The following FUT9 variants were observed in gnomAD, a reference collection of about 807,000 sequenced individuals.
FUT9 encodes 4-galactosyl-N-acetylglucosaminide 3-alpha-L-fucosyltransferase 9.
Under a neutral mutation model 29.7 loss-of-function variants are expected in FUT9, and 15 were observed. The observed-to-expected ratio is 0.51, with a 90% CI of 0.34 to 0.78. The LOEUF (loss-of-function observed/expected upper bound fraction) is 0.78. Among genes scored for constraint, FUT9 ranks in the 30% least tolerant of loss-of-function variants. The pLI, the probability that FUT9 is intolerant of heterozygous loss-of-function variation, is 0.01. For synonymous variants in FUT9, 169 were observed against 153.7 expected (o/e 1.10, Z -0.74); for missense variants, 319 against 425.4 (o/e 0.75, Z 2.20).
intron 2 of FUT9, among the ~76,000 whole-genome samples, chr6:96,129,326 T>C (rs1772198263): frequency 6.8e-6 from 1 of 146,176 alleles, no homozygotes; most frequent in Admixed American, 6.8e-5. Context: ...GTGCCTGTGG[T>C]CCCAGCTATC....
At position 96,072,075 on chromosome 6, in the gene FUT9, C is replaced by A. The variant is rs542746588; in HGVS notation, c.-97-41964C>A. Among the ~76,000 whole-genome samples, 12 of 152,190 alleles carry A rather than the reference C, an allele frequency of 7.9e-5. No homozygotes were observed. In the South Asian group the frequency reaches 2.1e-3, roughly 26 times the overall value. ...TGGGTTCCTAGGCAATATAGTAAGA[C>A]CTTATCTCTATTTAAGAAGAAAAGA... On this transcript the variant is annotated intron_variant, in intron 1 of 2. Coordinates refer to ENST00000302103, the MANE Select transcript of FUT9 (RefSeq NM_006581.4).
chr6:96,180,650 A>G (rs1466800580), intron 2 of FUT9, among the ~76,000 whole-genome samples: 1 of 152,036 alleles, frequency 6.6e-6, no homozygotes, highest in Non-Finnish European at 1.5e-5. Flanking sequence ...TCTAGTAACC[A>G]CTATTCTGCT....
intron 2 of FUT9, among the ~76,000 whole-genome samples, chr6:96,169,682 G>A (rs779513458): frequency 6.6e-6 from 1 of 151,884 alleles, no homozygotes; most frequent in African/African-American, 2.4e-5. Context: ...AAAGTACTTC[G>A]GCAGTATAAT....
chr6:96,156,421 G>C (rs528997435), intron 2 of FUT9, among the ~76,000 whole-genome samples: 1 of 152,106 alleles, frequency 6.6e-6, no homozygotes, highest in Admixed American at 6.6e-5. Flanking sequence ...GAGTGGAGTA[G>C]AATGTATTAA....
chr6:96,090,136 C>T (rs1771386332), intron 1 of FUT9, among the ~76,000 whole-genome samples: 1 of 151,984 alleles, frequency 6.6e-6, no homozygotes, highest in Non-Finnish European at 1.5e-5. Flanking sequence ...AAAGAGTTAA[C>T]ATTATTTTCA....
intron 2 of FUT9, among the ~76,000 whole-genome samples, chr6:96,158,605 C>T (rs764057146): frequency 6.6e-6 from 1 of 152,068 alleles, no homozygotes; most frequent in African/African-American, 2.4e-5. Context: ...AGGACAGACA[C>T]TCATTAATCA....
At chr6:96,187,732 A>T (rs1432862939) in intron 2 of FUT9, among the ~76,000 whole-genome samples, 2 of 152,150 alleles carry the variant, frequency 1.3e-5, no homozygotes, top group Non-Finnish European at 2.9e-5. Context: ...TAAATATTTT[A>T]AAATTATCAA....
At chr6:96,195,013 GGA>G (rs1773597383) in intron 2 of FUT9, among the ~76,000 whole-genome samples, 1 of 152,082 alleles carries the variant, frequency 6.6e-6, no homozygotes, top group Non-Finnish European at 1.5e-5. Context: ...TGAGTAGAGA[GGA>G]GAGAGAGCAG....
rs1278276294 is a variant in FUT9 at position 96,207,916 on chromosome 6, G to C, written c.*3681G>C. ...TACACCCTGAACAAGAAAGACATGA[G>C]AGCCTGACAGTCATATATATTATGA... On this transcript the variant is annotated 3_prime_UTR_variant, in exon 3 of 3. Transcript: ENST00000302103. The C allele has an allele frequency of 6.0e-6, 1 of 166,302 alleles. No individual in the cohort carries two copies. Among genetic ancestry groups the C allele is most frequent in the African/African-American group, 2.4e-5 (1 of 41,244 alleles). 10.3% of individuals were successfully genotyped at this position (166,302 alleles called of 1,614,324 possible).
intron 2 of FUT9, among the ~76,000 whole-genome samples, chr6:96,132,394 C>T (rs1772262737): frequency 6.6e-6 from 1 of 152,068 alleles, no homozygotes; most frequent in Non-Finnish European, 1.5e-5. Flanking sequence ...CAGTAGAACG[C>T]ATCCTCTCTG....
chr6:96,098,740 T>A (rs1771541532), intron 1 of FUT9, among the ~76,000 whole-genome samples: 2 of 152,274 alleles, frequency 1.3e-5, no homozygotes, highest in South Asian at 4.1e-4. Flanking sequence ...GTAGGAAAGA[T>A]CTATCACCTA....
intron 2 of FUT9, among the ~76,000 whole-genome samples, chr6:96,179,222 A>G (rs1020653676): frequency 1.3e-5 from 2 of 152,150 alleles, no homozygotes; most frequent in African/African-American, 4.8e-5. Flanking sequence ...ACTTTCATGC[A>G]TTCATTTTTT....
chr6:96,130,103 G>C (rs564761980), intron 2 of FUT9, among the ~76,000 whole-genome samples: 4 of 152,152 alleles, frequency 2.6e-5, no homozygotes, highest in Admixed American at 1.3e-4. Context: ...ACGAATCTCA[G>C]CATGGTTTTT....
chr6:96,164,843 G>A (rs1772984586), intron 2 of FUT9, among the ~76,000 whole-genome samples: 1 of 152,134 alleles, frequency 6.6e-6, no homozygotes, highest in South Asian at 2.1e-4. Flanking sequence ...GTAAAGTTAA[G>A]TAAAATTTAA....
At chr6:96,152,085 G>A (rs1485742926) in intron 2 of FUT9, among the ~76,000 whole-genome samples, 2 of 152,144 alleles carry the variant, frequency 1.3e-5, no homozygotes, top group Non-Finnish European at 2.9e-5. Context: ...TTTACATAGG[G>A]AGAGATCAGC....
At chr6:96,048,674 G>A (rs142450488) in intron 1 of FUT9, among the ~76,000 whole-genome samples, 232 of 152,268 alleles carry the variant, frequency 1.5e-3, no homozygotes, top group African/African-American at 5.3e-3. Context: ...CTCATGGAAC[G>A]GAAGCGAAGA....
chr6:96,136,265 C>T (rs1028541977), intron 2 of FUT9, among the ~76,000 whole-genome samples: 1 of 151,768 alleles, frequency 6.6e-6, no homozygotes, highest in Admixed American at 6.6e-5. Flanking sequence ...CTTCCTCATA[C>T]TTGAGTGAGT....
At chr6:96,047,505 T>TTAC (rs1770584348) in intron 1 of FUT9, among the ~76,000 whole-genome samples, 1 of 152,240 alleles carries the variant, frequency 6.6e-6, no homozygotes, top group Admixed American at 6.5e-5. Flanking sequence ...TTCACAAATC[T>TTAC]TACTTCATAC....
chr6:96,210,782 T>G lies in FUT9; in HGVS notation c.*6547T>G, dbSNP rs1159558164. On this transcript the variant is annotated 3_prime_UTR_variant, in exon 3 of 3. Transcript: ENST00000302103. Reference sequence around the variant, plus strand: ...CCTTGTCTGATAGGTAATTTGCAATTGAGATATGGCAAAGAATTGTAGCAT... The same window carrying G: ...CCTTGTCTGATAGGTAATTTGCAATGGAGATATGGCAAAGAATTGTAGCAT... 6.0e-6 allele frequency: 1 copy of G among 166,848 alleles called. No individual in the cohort carries two copies. Among genetic ancestry groups the G allele is most frequent in the Non-Finnish European group, 1.5e-5 (1 of 68,004 alleles). The allele number at this position is 166,848 out of a possible 1,614,324, so 10.3% of individuals were successfully genotyped here. A position where few individuals can be genotyped will look rare whatever the true frequency, so the allele number is the denominator to read the frequency against.
Sources: allele counts gnomAD v4.1 joint callset (sites outside exome capture counted in the v4.1 genomes callset), GRCh38; gene constraint gnomAD v4.1.1; transcripts MANE v1.5; gene names NCBI Gene and HGNC (gene_info 2026-07-23, HGNC 2026-07-21).